The following EIF4G1 variants were observed in gnomAD, a reference collection of about 807,000 sequenced individuals.
EIF4G1 encodes EIF4-gamma.
In EIF4G1, 4 loss-of-function variants were observed where a neutral mutation model predicts 187.8. The observed-to-expected ratio is 0.02, with a 90% CI of 0.01 to 0.05. The LOEUF (loss-of-function observed/expected upper bound fraction) is 0.05. Ranked by LOEUF, EIF4G1 falls within the 10% of genes least tolerant of loss-of-function variation. EIF4G1 has a pLI of 1.00. For synonymous variants in EIF4G1, 844 were observed against 781.4 expected (o/e 1.08, Z -1.34); for missense variants, 1,647 against 2,081.1 (o/e 0.79, Z 4.06).
rs1204806856 is a variant in EIF4G1, at chr3:184,315,851, C to G, written c.55C>G (p.Pro19Ala). Residue 19 changes from proline (P) to alanine (A), a missense_variant, in exon 3 of 33, where the codon CCA becomes GCA. Physicochemically the swap from Pro to Ala is conservative, Grantham distance 27. Around this residue, in one of 11 missense-constraint regions of EIF4G1, gnomAD observed 61 missense variants for 49.5 expected, o/e 1.23. Coordinates refer to ENST00000346169, the MANE Select transcript of EIF4G1 (RefSeq NM_198241.3). ...CCCACCCGCCCCATCCCCCGGACTC[C>G]CACAGGTAATTAGGGAGGAATTAGC... is the stretch of plus-strand genomic sequence containing the variant. ...GPPPAPSPGL[P>A]QPAFPPGQTA... 1 of 1,548,184 alleles carries G rather than the reference C, an allele frequency of 6.5e-7. No homozygotes were observed. The highest frequency in any genetic ancestry group is 1.4e-5 in the African/African-American group (1 of 72,958).
chr3:184,334,774 AAGG>A lies in EIF4G1; in HGVS notation c.4671_4673del (p.Glu1557del). ...CGCACTGTATGACGAGGACGTGGTG[AAGG>A]AGGATGCCTTCTACAGTTGGGAGAG... On this transcript the variant is annotated inframe_deletion, in exon 33 of 33. Coordinates refer to ENST00000346169, the MANE Select transcript of EIF4G1 (RefSeq NM_198241.3). This position sits in a 1 kb window ranked among gnomAD's most constrained non-coding sequence, Gnocchi z 5.8. 6.2e-7 allele frequency: 1 copy of A among 1,614,164 alleles called. No homozygotes were observed. The highest frequency in any genetic ancestry group is 8.5e-7 in the Non-Finnish European group (1 of 1,180,020).
In EIF4G1 at chr3:184,321,576, T is replaced by G; in HGVS notation, c.992T>G (p.Leu331Arg). 3.1e-6 allele frequency: 5 copies of G among 1,614,142 alleles called. No individual in the cohort carries two copies. The highest frequency in any genetic ancestry group is 4.2e-6 in the Non-Finnish European group (5 of 1,180,010). ...AEPILEVEVT[L>R]SKPVPESEFS... ...CCCATACTGGAAGTAGAAGTGACAC[T>G]TAGCAAACCGGTTCCAGAATCTGAG... The change falls in exon 10 of 33, where the codon CTT (leucine) becomes CGT (arginine). Residue 331 changes from leucine to arginine, a missense_variant. This residue lies in a region of EIF4G1 where 522 missense variants were observed against 485.2 expected (regional missense o/e 1.08). Transcript: ENST00000346169.
chr3:184,330,773 G>A (rs907553922), intron 28 of EIF4G1, among the ~76,000 whole-genome samples: 6 of 151,794 alleles, frequency 4.0e-5, no homozygotes, highest in Admixed American at 2.0e-4. Flanking sequence ...ACAGAGTCTC[G>A]CTGTGTCGCC....
chr3:184,325,821 T>C lies in EIF4G1; in HGVS notation c.3122-30T>C. 3.1e-6 allele frequency: 5 copies of C among 1,613,794 alleles called. No individual in the cohort carries two copies. The highest frequency in any genetic ancestry group is 4.2e-6 in the Non-Finnish European group (5 of 1,179,698). ...GAAGGGGCTGCTAGGATTTATTCAT[T>C]ATTCCAGTATGCCCCTCTTTTTGTG... is the stretch of plus-strand genomic sequence containing the variant. On this transcript the variant is annotated intron_variant, in intron 20 of 32. Coordinates refer to ENST00000346169, the MANE Select transcript of EIF4G1 (RefSeq NM_198241.3). This position sits in a 1 kb window ranked among gnomAD's most constrained non-coding sequence, Gnocchi z 5.2.
At position 184,315,310 on chromosome 3, in the gene EIF4G1, T is replaced by G. The variant is rs747159684; in HGVS notation, c.-91-179T>G. ...GTTCCCCGGCGGCAGGCGTATCCTGTGTGCCCCTGGGCCAGGCCCGAACCC... is the reference window on the plus strand; with the variant it reads ...GTTCCCCGGCGGCAGGCGTATCCTGGGTGCCCCTGGGCCAGGCCCGAACCC... On this transcript the variant is annotated intron_variant, in intron 1 of 32. Coordinates refer to ENST00000346169, the MANE Select transcript of EIF4G1 (RefSeq NM_198241.3). The G allele has an allele frequency of 5.5e-5, 27 of 491,438 alleles. 1 individual carries two copies. 30.4% of individuals were successfully genotyped at this position (491,438 alleles called of 1,614,324 possible).
intron 31 of EIF4G1, 45 bp from the exon 32 acceptor site, chr3:184,331,901 C>A (rs1726185120): frequency 2.5e-6 from 4 of 1,613,970 alleles, no homozygotes; most frequent in Admixed American, 1.7e-5. Context: ...CAGTTCTGAA[C>A]CGGGGTAAGG....
chr3:184,324,397 T>TA, intron 17 of EIF4G1, 50 bp downstream of exon 17: 5 of 1,612,820 alleles, frequency 3.1e-6, no homozygotes, highest in Non-Finnish European at 4.2e-6. Context: ...CTCCTTCCCT[T>TA]ACCCAGATGC....
In EIF4G1 at chr3:184,317,390, C is replaced by T. The variant is rs779901470; in HGVS notation, c.217C>T (p.Arg73Cys). 8 of 1,613,956 alleles carry T rather than the reference C, an allele frequency of 5.0e-6. No homozygotes were observed. The Admixed American group carries it at 5.0e-5, about 10-fold the overall frequency. Reference sequence around the variant, plus strand: ...CCGAGTGCAGAGTGCAGCCCCTGCCCGCCCTGGCCCAGCTGCCCATGTCTA... The same window carrying T: ...CCGAGTGCAGAGTGCAGCCCCTGCCTGCCCTGGCCCAGCTGCCCATGTCTA... ...ASRVQSAAPA[R>C]PGPAAHVYPA... The change falls in exon 5 of 33, where the codon CGC (arginine) becomes TGC (cysteine). Residue 73 changes from arginine to cysteine, a missense_variant. Around this residue, in one of 11 missense-constraint regions of EIF4G1, gnomAD observed 139 missense variants for 187.3 expected, o/e 0.74. Transcript: ENST00000346169.
rs1159871155 is a variant in EIF4G1, at chr3:184,321,551, C to A, written c.967C>A (p.Pro323Thr). 1 of 1,614,218 alleles carries A rather than the reference C, an allele frequency of 6.2e-7. No individual in the cohort carries two copies. Among genetic ancestry groups the A allele is most frequent in the Non-Finnish European group, 8.5e-7 (1 of 1,180,042 alleles). ...TCCAGAACCCACTCCTCTCGCCGAA[C>A]CCATACTGGAAGTAGAAGTGACACT... ...LSPEPTPLAE[P>T]ILEVEVTLSK... The change falls in exon 10 of 33, where the codon CCC becomes ACC. Residue 323 changes from proline to threonine, a missense_variant. By Grantham distance (38) the Pro-to-Thr change is conservative. Around this residue, in one of 11 missense-constraint regions of EIF4G1, gnomAD observed 522 missense variants for 485.2 expected, o/e 1.08. Coordinates refer to ENST00000346169, the MANE Select transcript of EIF4G1 (RefSeq NM_198241.3).
intron 28 of EIF4G1, 47 bp from the exon 29 acceptor site, chr3:184,331,219 T>G (rs1726035286): frequency 6.3e-7 from 1 of 1,598,368 alleles, no homozygotes. Context: ...GTTGGGTCCT[T>G]GGAGAGAGAG....
chr3:184,329,438 T>C (rs112054238), intron 28 of EIF4G1, among the ~76,000 whole-genome samples: 3,470 of 152,140 alleles, frequency 0.023, 126 homozygotes, highest in African/African-American at 0.078. Flanking sequence ...CAAGACCAGC[T>C]TGGCCAATAT....
At position 184,323,518 on chromosome 3, in the gene EIF4G1, C is replaced by A; in HGVS notation, c.2199C>A (p.Ala733=). 1 of 1,614,156 alleles carries A rather than the reference C, an allele frequency of 6.2e-7. No individual in the cohort carries two copies. Residue 733 remains alanine (A), a synonymous_variant, in exon 15 of 33, where the codon GCC becomes GCA. Coordinates refer to ENST00000346169, the MANE Select transcript of EIF4G1 (RefSeq NM_198241.3). This position sits in a 1 kb window ranked among gnomAD's most constrained non-coding sequence, Gnocchi z 6.9. ...EDIKLNKAEK[A]WKPSSKRTAA... ...TAAAACTGAACAAAGCAGAGAAAGC[C>A]TGGAAACCCAGCAGCAAGCGGACGG...
intron 32 of EIF4G1, among the ~76,000 whole-genome samples, chr3:184,332,537 C>T (rs1726319107): frequency 6.6e-6 from 1 of 152,094 alleles, no homozygotes; most frequent in Non-Finnish European, 1.5e-5. Flanking sequence ...AGGTATGTGT[C>T]AGGGCATTGG....
In EIF4G1 at chr3:184,321,498, G is replaced by A. The variant is rs151151194; in HGVS notation, c.914G>A (p.Arg305His). Residue 305 changes from arginine (R) to histidine (H), a missense_variant, in exon 10 of 33, where the codon CGT becomes CAT. Coordinates refer to ENST00000346169, the MANE Select transcript of EIF4G1 (RefSeq NM_198241.3). ...GTAGAAGAATCAACCCCCATCTCCC[G>A]TGAAACTGGGGAGCCATATCGCCTC... ...MSVEESTPISRETGEPYRLSP... is the reference protein window; with the variant it reads ...MSVEESTPISHETGEPYRLSP... 15 of 1,614,122 alleles carry A rather than the reference G, an allele frequency of 9.3e-6. No homozygotes were observed. Among genetic ancestry groups the A allele is most frequent in the Middle Eastern group, 1.6e-4 (1 of 6,062 alleles).
chr3:184,324,073 T>C, intron 16 of EIF4G1, 96 bp downstream of exon 16: 1 of 1,604,484 alleles, frequency 6.2e-7, no homozygotes, highest in Non-Finnish European at 8.5e-7. Flanking sequence ...CTCCAACTTG[T>C]GCCTCTTCCA....
At position 184,321,656 on chromosome 3, in the gene EIF4G1, A is replaced by G. The variant is rs1291920303; in HGVS notation, c.1072A>G (p.Ile358Val). The G allele has an allele frequency of 6.2e-7, 1 of 1,607,478 alleles. No individual in the cohort carries two copies. Among genetic ancestry groups the G allele is most frequent in the African/African-American group, 1.3e-5 (1 of 74,772 alleles). Reference sequence around the variant, plus strand: ...CCCTTTGGCATCTCACACAGTGGAAATTCATGAGCCTAATGGCATGGTCCC... The same window carrying G: ...CCCTTTGGCATCTCACACAGTGGAAGTTCATGAGCCTAATGGCATGGTCCC... ...PTPLASHTVE[I>V]HEPNGMVPSE... Residue 358 changes from isoleucine to valine, a missense_variant, in exon 10 of 33, where the codon ATT becomes GTT. Ile to Val is a conservative substitution (Grantham distance 29). Coordinates refer to ENST00000346169, the MANE Select transcript of EIF4G1 (RefSeq NM_198241.3).
Position 184,331,821 on chromosome 3 carries a change from C to T in EIF4G1, c.4477+12C>T, listed in dbSNP as rs1483090707. The T allele has an allele frequency of 1.9e-6, 3 of 1,614,110 alleles. No homozygotes were observed. Among genetic ancestry groups the T allele is most frequent in the Non-Finnish European group, 1.7e-6 (2 of 1,180,028 alleles). On this transcript the variant is annotated intron_variant, in intron 31 of 32. Transcript: ENST00000346169. ...TTCTGCAATTATTTGTAAGAGGAAC[C>T]AGGGAGATGGAGGGGCAAGGGTGGG...
chr3:184,331,171 C>A, intron 28 of EIF4G1, 95 bp from the exon 29 acceptor site: 1 of 1,328,474 alleles, frequency 7.5e-7, no homozygotes, highest in Non-Finnish European at 1.1e-6. Flanking sequence ...ACCTAGTAGG[C>A]TTTCAGTAAA....
chr3:184,322,231 C>CT, intron 10 of EIF4G1, 128 bp downstream of exon 10: 1 of 1,545,004 alleles, frequency 6.5e-7, no homozygotes. Flanking sequence ...AGATTAAGGA[C>CT]TTTTAAGCCT....
Sources: gnomAD v4.1 joint callset for allele counts (sites outside exome capture counted in the v4.1 genomes callset) on GRCh38, gnomAD v4.1.1 for gene constraint, gnomAD v4.1.1 regional missense constraint, Gnocchi (gnomAD v3.1) non-coding constraint, MANE v1.5 for transcripts, NCBI Gene and HGNC (gene_info 2026-07-23, HGNC 2026-07-21) for gene names.